The following XRN2 variants were observed in gnomAD, a reference collection of about 807,000 sequenced individuals.
The protein encoded by XRN2 is 5'-3' exoribonuclease 2, also known as DHM1-like protein.
XRN2 carries 44 observed loss-of-function variants against 138.5 expected under a neutral mutation model. That is an observed-to-expected ratio of 0.32 (90% CI 0.25 to 0.41). The LOEUF is 0.41. Among genes scored for constraint, XRN2 ranks in the 10% least tolerant of loss-of-function variants. XRN2 has a pLI of 1.00. For missense variants in XRN2, 937 were observed against 1,169.3 expected, an observed-to-expected ratio of 0.80 and a Z score of 2.90; for synonymous variants, 354 against 369.4, an observed-to-expected ratio of 0.96 and a Z score of 0.48.
At chr20:21,365,523 A>G (rs200638229) in intron 25 of XRN2, 34 bp downstream of exon 25, 37 of 1,613,754 alleles carry the variant, frequency 2.3e-5, no homozygotes, top group Non-Finnish European at 2.9e-5. Flanking sequence ...TTTATTTTGT[A>G]CAAATGGTTT....
At chr20:21,326,975 G>A (rs2038137272) in intron 3 of XRN2, among the ~76,000 whole-genome samples, 1 of 152,186 alleles carries the variant, frequency 6.6e-6, no homozygotes, top group Non-Finnish European at 1.5e-5. Flanking sequence ...AGGATATAGA[G>A]AAGAGGTGAC....
At position 21,382,882 on chromosome 20, in the gene XRN2, A is replaced by G. The variant is rs1037556964; in HGVS notation, c.2648+825A>G. ...TGGTTTTGCCAACATCAGTAAATGC[A>G]AAAACAAATTAAGCCCCATCATAAT... On this transcript the variant is annotated intron_variant, in intron 28 of 29. Transcript: ENST00000377191. Among the ~76,000 whole-genome samples, 5 of 152,216 alleles carry G rather than the reference A, an allele frequency of 3.3e-5. No homozygotes were observed. The East Asian group carries it at 9.6e-4, about 29-fold the overall frequency.
intron 1 of XRN2, among the ~76,000 whole-genome samples, chr20:21,320,487 G>A (rs2038024185): frequency 6.6e-6 from 1 of 151,882 alleles, no homozygotes; most frequent in Admixed American, 6.6e-5. Context: ...TTTTAGTAGA[G>A]ACAGGGTTTC....
intron 1 of XRN2, among the ~76,000 whole-genome samples, chr20:21,314,270 T>C (rs1008147306): frequency 6.6e-6 from 1 of 152,232 alleles, no homozygotes. Context: ...AGTACTTTAT[T>C]ATTTGCTTAT....
intron 24 of XRN2, among the ~76,000 whole-genome samples, chr20:21,363,754 T>A (rs2038663496): frequency 6.6e-6 from 1 of 151,528 alleles, no homozygotes; most frequent in African/African-American, 2.4e-5. Context: ...TCAATAAAAC[T>A]TTTTTTAAAA....
chr20:21,313,040 T>G (rs1050969640), intron 1 of XRN2, among the ~76,000 whole-genome samples: 13 of 152,376 alleles, frequency 8.5e-5, no homozygotes, highest in South Asian at 2.1e-4. Flanking sequence ...TTGGCTTATT[T>G]AAACATGGCC....
chr20:21,360,123 C>G (rs575753723), intron 24 of XRN2, among the ~76,000 whole-genome samples: 2 of 152,184 alleles, frequency 1.3e-5, no homozygotes, highest in Non-Finnish European at 2.9e-5. Flanking sequence ...ACAAATTATT[C>G]AACATATTAG....
chr20:21,387,647 C>T (rs1299637953), intron 29 of XRN2, among the ~76,000 whole-genome samples: 2 of 152,188 alleles, frequency 1.3e-5, no homozygotes, highest in East Asian at 3.8e-4. Context: ...GACATAATTT[C>T]CTCCAGCAAT....
At chr20:21,345,410 G>A (rs1277673408) in intron 16 of XRN2, among the ~76,000 whole-genome samples, 1 of 152,002 alleles carries the variant, frequency 6.6e-6, no homozygotes, top group African/African-American at 2.4e-5. Flanking sequence ...ATTTCTAATT[G>A]TTATTCTGTG....
Position 21,349,417 on chromosome 20 carries a change from A to G in XRN2, c.1892A>G (p.Glu631Gly), listed in dbSNP as rs2038478656. 1 of 1,608,712 alleles carries G rather than the reference A, an allele frequency of 6.2e-7. No homozygotes were observed. The highest frequency in any genetic ancestry group is 1.3e-5 in the African/African-American group (1 of 74,938). ...TCTAGTATAATTGACTTCTATCCTG[A>G]AGATTTTGCTATTGATTTGAATGGG... The part of the protein sequence containing the change: ...PDSSIIDFYP[E>G]DFAIDLNGKK... Residue 631 changes from glutamate (E) to glycine (G), a missense_variant, in exon 20 of 30, where the codon GAA becomes GGA. Transcript: ENST00000377191.
At chr20:21,358,486 A>G (rs1042639265) in intron 24 of XRN2, among the ~76,000 whole-genome samples, 3 of 152,210 alleles carry the variant, frequency 2.0e-5, no homozygotes, top group Non-Finnish European at 4.4e-5. Context: ...ATCTTTAGGT[A>G]AGACTAAAGC....
chr20:21,309,725 T>TTTTC (rs1417177726), intron 1 of XRN2, among the ~76,000 whole-genome samples: 4 of 152,150 alleles, frequency 2.6e-5, no homozygotes, highest in African/African-American at 9.7e-5. Context: ...TATTAAAATG[T>TTTTC]TTTCACTCCT....
chr20:21,330,209 G>C (rs1056239593), intron 4 of XRN2, among the ~76,000 whole-genome samples: 2 of 152,030 alleles, frequency 1.3e-5, no homozygotes, highest in African/African-American at 2.4e-5. Flanking sequence ...CTTGAACCCC[G>C]GAAGGCGGAG....
chr20:21,362,763 G>C (rs890566059), intron 24 of XRN2, among the ~76,000 whole-genome samples: 9 of 152,154 alleles, frequency 5.9e-5, no homozygotes, highest in Non-Finnish European at 1.0e-4. Flanking sequence ...GGAGTTCCAT[G>C]GGAGAATTCT....
Position 21,333,766 on chromosome 20 carries a change from T to A in XRN2, c.996T>A (p.Ile332=). ...TCACATTTGATGTTGAGAGGAGCAT[T>A]GATGACTGGGTTTTCATGTGCTTCT... The part of the protein sequence containing the change: ...LPFTFDVERS[I]DDWVFMCFFV... Residue 332 remains isoleucine, a synonymous_variant, in exon 11 of 30, where the codon ATT becomes ATA. Transcript: ENST00000377191. 1 of 1,614,168 alleles carries A rather than the reference T, an allele frequency of 6.2e-7. No homozygotes were observed. Among genetic ancestry groups the A allele is most frequent in the East Asian group, 2.2e-5 (1 of 44,870 alleles).
chr20:21,366,611 A>G (rs181197810), intron 26 of XRN2, among the ~76,000 whole-genome samples: 8 of 152,118 alleles, frequency 5.3e-5, no homozygotes, highest in Admixed American at 4.6e-4. Flanking sequence ...TTTCACACAT[A>G]TATTTTTGTC....
intron 27 of XRN2, 32 bp downstream of exon 27, chr20:21,368,622 A>G (rs774209359): frequency 5.0e-6 from 8 of 1,607,994 alleles, no homozygotes; most frequent in Admixed American, 1.7e-5. Context: ...ATTTTACATT[A>G]TAAATTAAAT....
chr20:21,338,082 G>A (rs189633398), intron 13 of XRN2, among the ~76,000 whole-genome samples: 2 of 152,236 alleles, frequency 1.3e-5, no homozygotes, highest in East Asian at 3.9e-4. Flanking sequence ...TCAGCTTTTT[G>A]CCTGGCAGAA....
intron 3 of XRN2, among the ~76,000 whole-genome samples, chr20:21,327,824 T>TA (rs2038148548): frequency 6.6e-6 from 1 of 152,220 alleles, no homozygotes; most frequent in African/African-American, 2.4e-5. Flanking sequence ...TTAAATAACT[T>TA]ACATTTAGAT....
Sources: allele counts gnomAD v4.1 joint callset (sites outside exome capture counted in the v4.1 genomes callset), GRCh38; gene constraint gnomAD v4.1.1; transcripts MANE v1.5; gene names NCBI Gene and HGNC (gene_info 2026-07-23, HGNC 2026-07-21).